Variants in IL1RAPL1 observed in about 807,000 individuals in gnomAD.
IL1RAPL1 encodes the protein interleukin-1 receptor accessory protein-like 1.
Under a neutral mutation model 48.4 loss-of-function variants are expected in IL1RAPL1, and 3 were observed. The observed-to-expected ratio is 0.06, with a 90% CI of 0.03 to 0.16. The LOEUF is 0.16. Among genes scored for constraint, IL1RAPL1 ranks in the 10% least tolerant of loss-of-function variants. IL1RAPL1 has a pLI of 1.00. For synonymous variants in IL1RAPL1, 185 were observed against 187.7 expected (o/e 0.99, Z 0.12); for missense variants, 349 against 530.6 (o/e 0.66, Z 3.36).
chrX:29,040,723 T>A (rs1191993743), intron 2 of IL1RAPL1, among the ~76,000 whole-genome samples: 1 of 112,345 alleles, frequency 8.9e-6, no homozygotes, highest in Non-Finnish European at 1.9e-5. Flanking sequence ...CTTTATGGTG[T>A]AGGTTTTTTG....
intron 5 of IL1RAPL1, among the ~76,000 whole-genome samples, chrX:29,506,426 T>C (rs1429202983): frequency 8.3e-5 from 7 of 84,156 alleles, no homozygotes; most frequent in African/African-American, 3.1e-4. Context: ...TTCTTCTTCT[T>C]CTCCTTCTCC....
chrX:29,805,837 C>T (rs1299685347), intron 6 of IL1RAPL1, among the ~76,000 whole-genome samples: 2 of 109,200 alleles, frequency 1.8e-5, no homozygotes, highest in African/African-American at 6.6e-5. Context: ...GTACAGCTAG[C>T]GATATAAAAG....
intron 6 of IL1RAPL1, among the ~76,000 whole-genome samples, chrX:29,883,887 C>T (rs1932079987): frequency 8.9e-6 from 1 of 112,162 alleles, no homozygotes; most frequent in South Asian, 3.7e-4. Flanking sequence ...TAATTAAATA[C>T]TGCATTGTGA....
intron 6 of IL1RAPL1, among the ~76,000 whole-genome samples, chrX:29,738,388 G>T (rs1928102010): frequency 9.1e-6 from 1 of 109,824 alleles, no homozygotes; most frequent in South Asian, 3.9e-4. Flanking sequence ...AATGGCCCTA[G>T]AAGCCAATCT....
At chrX:29,840,809 A>C (rs1050211559) in intron 6 of IL1RAPL1, among the ~76,000 whole-genome samples, 2 of 111,840 alleles carry the variant, frequency 1.8e-5, no homozygotes, top group Admixed American at 9.5e-5. Context: ...TGAAGACTTC[A>C]TTGGGATCAA....
intron 2 of IL1RAPL1, among the ~76,000 whole-genome samples, chrX:29,141,281 G>A (rs912353761): frequency 1.8e-5 from 2 of 110,502 alleles, no homozygotes; most frequent in Non-Finnish European, 3.8e-5. Context: ...GAATGTTACC[G>A]CAGCCTAAGC....
At chrX:28,787,564 A>C (rs1936487648) in intron 1 of IL1RAPL1, among the ~76,000 whole-genome samples, 1 of 111,848 alleles carries the variant, frequency 8.9e-6, no homozygotes, top group African/African-American at 3.3e-5. Context: ...GCCGCCATTA[A>C]AATAGATTAT....
chrX:28,976,865 C>G (rs1435856167), intron 2 of IL1RAPL1, among the ~76,000 whole-genome samples: 1 of 111,932 alleles, frequency 8.9e-6, no homozygotes, highest in Non-Finnish European at 1.9e-5. Context: ...TGTAAAGTGC[C>G]AGATAGTAAA....
intron 6 of IL1RAPL1, among the ~76,000 whole-genome samples, chrX:29,803,399 A>ATATATGTGTATATGTG (rs759171079): frequency 2.4e-5 from 2 of 84,927 alleles, no homozygotes; most frequent in African/African-American, 9.6e-5. Flanking sequence ...ACACATATGT[A>ATATATGTGTATATGTG]TATATGTGTA....
At chrX:29,802,785 G>GTATATATA (rs1569172713) in intron 6 of IL1RAPL1, among the ~76,000 whole-genome samples, 9 of 20,895 alleles carry the variant, frequency 4.3e-4, no homozygotes, top group Non-Finnish European at 5.9e-4. Flanking sequence ...ATATATATGT[G>GTATATATA]TGTGTGTATA....
rs1259647426 is a variant in IL1RAPL1 at position 28,796,381 on chromosome X, A to G, written c.82+6956A>G. 5.4e-5 allele frequency among the ~76,000 whole-genome samples: 6 copies of G among 112,116 alleles called. No homozygotes were observed. The East Asian group carries it at 1.4e-3, about 26-fold the overall frequency. On this transcript the variant is annotated intron_variant, in intron 2 of 10. Coordinates refer to ENST00000378993, the MANE Select transcript of IL1RAPL1 (RefSeq NM_014271.4). ...CACAGTCCAATGTCTCATTTGAGAC[A>G]AGTCAAGTCCCTTCGGCCTATGAGC... is the stretch of plus-strand genomic sequence containing the variant.
intron 6 of IL1RAPL1, among the ~76,000 whole-genome samples, chrX:29,712,447 T>C (rs945945265): frequency 3.6e-5 from 4 of 112,058 alleles, no homozygotes; most frequent in African/African-American, 1.3e-4. Context: ...AGGAATGATA[T>C]AAAAATACAA....
At chrX:29,488,622 T>C (rs756813594) in intron 5 of IL1RAPL1, among the ~76,000 whole-genome samples, 26 of 109,570 alleles carry the variant, frequency 2.4e-4, no homozygotes, top group Non-Finnish European at 4.0e-4. Context: ...AGGTGGTGCA[T>C]ATATAACTAT....
intron 2 of IL1RAPL1, among the ~76,000 whole-genome samples, chrX:29,256,540 G>A (rs967451688): frequency 9.0e-6 from 1 of 111,366 alleles, no homozygotes; most frequent in African/African-American, 3.3e-5. Context: ...TATCCAGCCG[G>A]TTCATTCTAA....
chrX:29,805,617 G>A (rs995897394), intron 6 of IL1RAPL1, among the ~76,000 whole-genome samples: 1 of 111,148 alleles, frequency 9.0e-6, no homozygotes, highest in African/African-American at 3.3e-5. Flanking sequence ...AATATTTTCC[G>A]GAAAGTTCAG....
At chrX:29,335,315 G>C (rs867980255) in intron 3 of IL1RAPL1, among the ~76,000 whole-genome samples, 1 of 5,885 alleles carries the variant, frequency 1.7e-4, no homozygotes, top group African/African-American at 3.4e-4. Flanking sequence ...GAGGGGAGAG[G>C]GGAGAGGGGA....
At chrX:29,427,884 T>C (rs996968503) in intron 5 of IL1RAPL1, among the ~76,000 whole-genome samples, 22 of 111,546 alleles carry the variant, frequency 2.0e-4, no homozygotes, top group Non-Finnish European at 5.6e-5. Context: ...TTTCATTAGC[T>C]TTACAAAGGT....
At chrX:29,430,997 G>A (rs1934416116) in intron 5 of IL1RAPL1, among the ~76,000 whole-genome samples, 1 of 111,361 alleles carries the variant, frequency 9.0e-6, no homozygotes, top group South Asian at 3.8e-4. Context: ...ATCCATGTTT[G>A]TAACTATCTG....
intron 1 of IL1RAPL1, among the ~76,000 whole-genome samples, chrX:28,690,163 G>C (rs1360852452): frequency 9.0e-6 from 1 of 111,389 alleles, no homozygotes; most frequent in African/African-American, 3.3e-5. Context: ...TTCAGCCTTG[G>C]GCAGTATCTC....
Sources: gnomAD v4.1 joint callset for allele counts (sites outside exome capture counted in the v4.1 genomes callset) on GRCh38, gnomAD v4.1.1 for gene constraint, MANE v1.5 for transcripts, NCBI Gene and HGNC (gene_info 2026-07-23, HGNC 2026-07-21) for gene names.